The following MTMR12 variants were observed in gnomAD, a reference collection of about 807,000 sequenced individuals.
MTMR12 encodes the protein myotubularin-related protein 12.
In MTMR12, 33 loss-of-function variants were observed where a neutral mutation model predicts 96.7. The observed-to-expected ratio is 0.34, with a 90% confidence interval of 0.26 to 0.46. The LOEUF (loss-of-function observed/expected upper bound fraction) is 0.46, where lower values mean the gene tolerates loss of function less well. Ranked by LOEUF, MTMR12 falls within the 20% of genes least tolerant of loss-of-function variation. The pLI, the probability that MTMR12 is intolerant of heterozygous loss-of-function variation, is 1.00. For synonymous variants in MTMR12, 298 were observed against 327.2 expected, an observed-to-expected ratio of 0.91 and a Z score of 0.96; for missense variants, 721 against 896.1, an observed-to-expected ratio of 0.80 and a Z score of 2.49.
At position 32,233,114 on chromosome 5, in the gene MTMR12, C is replaced by CAT; in HGVS notation, c.1674+658_1674+659insAT. 1 of 737,036 alleles carries CAT rather than the reference C, an allele frequency of 1.4e-6. No individual in the cohort carries two copies. The highest frequency in any genetic ancestry group is 1.7e-6 in the Non-Finnish European group (1 of 603,538). 45.7% of individuals were successfully genotyped at this position (737,036 alleles called of 1,614,324 possible). On this transcript the variant is annotated intron_variant, in intron 15 of 15. Transcript: ENST00000382142. The surrounding 1 kb of genome is among the most constrained non-coding windows in gnomAD (Gnocchi z 5.0). ...GACATTTGTGGCTCATAGCATAGGT[C>CAT]AGCAAACTGGCCACCCCTCCGGCCA...
At chr5:32,256,344 T>A (rs147287108) in intron 7 of MTMR12, among the ~76,000 whole-genome samples, 351 of 152,334 alleles carry the variant, frequency 2.3e-3, no homozygotes, top group African/African-American at 8.2e-3. Flanking sequence ...CTATGAGATA[T>A]GTAATATTAT....
Position 32,247,985 on chromosome 5 carries a change from C to T in MTMR12, c.1021+17G>A, listed in dbSNP as rs571198430. 6.2e-7 allele frequency: 1 copy of T among 1,608,094 alleles called. No individual in the cohort carries two copies. Among genetic ancestry groups the T allele is most frequent in the Admixed American group, 1.7e-5 (1 of 59,326 alleles). ...TCCCCATATAACACAAAAGTTTTTG[C>T]TCAGTATTCTTCTCACCTATCAGAA... On this transcript the variant is annotated intron_variant, in intron 10 of 15. Transcript: ENST00000382142.
intron 6 of MTMR12, among the ~76,000 whole-genome samples, chr5:32,264,707 C>T (rs1749526223): frequency 6.6e-6 from 1 of 152,144 alleles, no homozygotes; most frequent in South Asian, 2.1e-4. Context: ...GATCCACCCA[C>T]CTCGGCCTCC....
intron 6 of MTMR12, among the ~76,000 whole-genome samples, chr5:32,265,245 C>A (rs1418855421): frequency 6.6e-6 from 1 of 152,134 alleles, no homozygotes; most frequent in Non-Finnish European, 1.5e-5. Flanking sequence ...CTTCTCAAAA[C>A]AAATGAGGGC....
At chr5:32,305,247 C>T (rs1312086736) in intron 1 of MTMR12, among the ~76,000 whole-genome samples, 2 of 152,068 alleles carry the variant, frequency 1.3e-5, no homozygotes, top group Non-Finnish European at 2.9e-5. Flanking sequence ...CGCTACCACG[C>T]CCGGCTAATT....
intron 5 of MTMR12, among the ~76,000 whole-genome samples, chr5:32,269,597 G>A (rs1749753996): frequency 6.6e-6 from 1 of 152,152 alleles, no homozygotes; most frequent in African/African-American, 2.4e-5. Flanking sequence ...TGGCCACCGT[G>A]CCCAGCCCAG....
rs752752989 is a variant in MTMR12, at chr5:32,233,985, G to T, written c.1513-51C>A. ...TGTTTTCCAGGGAGGGCTGAGGAAG[G>T]CAAACACATACTTCTGGACACAGGC... On this transcript the variant is annotated intron_variant, in intron 14 of 15. Coordinates refer to ENST00000382142, the MANE Select transcript of MTMR12 (RefSeq NM_001040446.3). This position sits in a 1 kb window ranked among gnomAD's most constrained non-coding sequence, Gnocchi z 5.0. The T allele has an allele frequency of 6.2e-7, 1 of 1,605,848 alleles. No individual in the cohort carries two copies.
At position 32,227,869 on chromosome 5, in the gene MTMR12, C is replaced by T. The variant is rs1747791583; in HGVS notation, c.*1909G>A. 6.5e-6 allele frequency: 1 copy of T among 152,834 alleles called. No individual in the cohort carries two copies. Among genetic ancestry groups the T allele is most frequent in the South Asian group, 2.1e-4 (1 of 4,836 alleles). 9.5% of individuals were successfully genotyped at this position (152,834 alleles called of 1,614,324 possible). On this transcript the variant is annotated 3_prime_UTR_variant, in exon 16 of 16. Transcript: ENST00000382142. ...CCAGATGCACGAATCCTGCCCTCCC[C>T]TCAACCTTTGTTCATCCTAACAGAC...
intron 13 of MTMR12, among the ~76,000 whole-genome samples, chr5:32,238,487 C>T (rs1429555666): frequency 6.6e-6 from 1 of 152,182 alleles, no homozygotes; most frequent in East Asian, 1.9e-4. Flanking sequence ...CCATGCCAGG[C>T]CTCCAATTTT....
chr5:32,280,746 T>C (rs1489595328), intron 1 of MTMR12, among the ~76,000 whole-genome samples: 2 of 152,206 alleles, frequency 1.3e-5, no homozygotes, highest in Non-Finnish European at 2.9e-5. Flanking sequence ...GGTCTTGTCA[T>C]TTAAACTGAC....
chr5:32,246,178 T>TTTTTTTGTTTGTTTG (rs1561751779), intron 10 of MTMR12, among the ~76,000 whole-genome samples: 1 of 150,864 alleles, frequency 6.6e-6, no homozygotes, highest in Non-Finnish European at 1.5e-5. Flanking sequence ...CAGTTTTTTT[T>TTTTTTTGTTTGTTTG]TTTTTTGAGA....
In MTMR12 at chr5:32,239,102, T is replaced by C; in HGVS notation, c.1243A>G (p.Thr415Ala). 6.2e-7 allele frequency: 1 copy of C among 1,610,114 alleles called. No individual in the cohort carries two copies. Among genetic ancestry groups the C allele is most frequent in the Non-Finnish European group, 8.5e-7 (1 of 1,178,182 alleles). Residue 415 changes from threonine to alanine, a missense_variant, in exon 13 of 16, where the codon ACC (threonine) becomes GCC (alanine). Physicochemically the swap from Thr to Ala is moderately conservative, Grantham distance 58 (BLOSUM62 0). Coordinates refer to ENST00000382142, the MANE Select transcript of MTMR12 (RefSeq NM_001040446.3). ...VQLMMDPHCR[T>A]RIGFQSLIQK... The stretch of plus-strand genomic sequence containing the variant: ...ATGAGGCTCTGGAAACCAATTCTGG[T>C]TCTGCAGTGGGGGTCCATCATCAGT...
intron 1 of MTMR12, among the ~76,000 whole-genome samples, chr5:32,277,340 C>T (rs915163308): frequency 5.9e-5 from 9 of 152,152 alleles, no homozygotes; most frequent in African/African-American, 7.2e-5. Flanking sequence ...CCTTATCTCT[C>T]CTTATCTAAG....
intron 7 of MTMR12, among the ~76,000 whole-genome samples, chr5:32,256,993 G>T (rs1254448383): frequency 4.6e-5 from 7 of 152,206 alleles, no homozygotes. Context: ...TTAAAAATTT[G>T]TAAGACACGG....
chr5:32,247,385 A>G (rs1236877779), intron 10 of MTMR12, among the ~76,000 whole-genome samples: 3 of 152,190 alleles, frequency 2.0e-5, no homozygotes, highest in Non-Finnish European at 4.4e-5. Flanking sequence ...AAAGTTATCT[A>G]TAGGCATGAC....
At chr5:32,231,703 G>A (rs1360543431) in intron 15 of MTMR12, among the ~76,000 whole-genome samples, 2 of 152,102 alleles carry the variant, frequency 1.3e-5, no homozygotes, top group Non-Finnish European at 2.9e-5. Context: ...ACCACAGCTC[G>A]GAGGTGACCA....
chr5:32,232,023 G>A (rs910556287), intron 15 of MTMR12, among the ~76,000 whole-genome samples: 2 of 152,240 alleles, frequency 1.3e-5, no homozygotes, highest in African/African-American at 4.8e-5. Flanking sequence ...GCTCTCTACT[G>A]AGCTCTCCTT....
chr5:32,290,453 G>A (rs889318204), intron 1 of MTMR12, among the ~76,000 whole-genome samples: 2 of 152,090 alleles, frequency 1.3e-5, no homozygotes, highest in East Asian at 1.9e-4. Flanking sequence ...GGTGGTGTGC[G>A]GCCTGTTGAG....
chr5:32,272,312 T>A (rs1008330349), intron 3 of MTMR12, among the ~76,000 whole-genome samples: 2 of 151,496 alleles, frequency 1.3e-5, no homozygotes, highest in Non-Finnish European at 2.9e-5. Flanking sequence ...AATAAATAAA[T>A]AAAAATAAAT....
Sources: allele counts gnomAD v4.1 joint callset (sites outside exome capture counted in the v4.1 genomes callset), GRCh38; gene constraint gnomAD v4.1.1; non-coding constraint Gnocchi (gnomAD v3.1); transcripts MANE v1.5; gene names NCBI Gene and HGNC (gene_info 2026-07-23, HGNC 2026-07-21).